Variants in R3HDM4 observed in about 807,000 individuals in gnomAD.
The protein encoded by R3HDM4 is R3H domain containing 4.
In R3HDM4, 30 loss-of-function variants were observed where a neutral mutation model predicts 31.3. The observed-to-expected ratio is 0.96, with a 90% confidence interval of 0.72 to 1.30. The LOEUF (loss-of-function observed/expected upper bound fraction) is 1.30. Ranked by LOEUF, R3HDM4 falls within the 50% of genes most tolerant of loss-of-function variation. The probability of loss-of-function intolerance (pLI) is 0.00; values close to 1 mark genes in which losing one functional copy is unlikely to be tolerated. For synonymous variants in R3HDM4, 196 were observed against 156.6 expected (o/e 1.25, Z -1.88); for missense variants, 444 against 366.1 (o/e 1.21, Z -1.74).
chr19:904,817 G>A (rs568599893), intron 1 of R3HDM4, among the ~76,000 whole-genome samples: 1 of 152,058 alleles, frequency 6.6e-6, no homozygotes, highest in East Asian at 1.9e-4. Flanking sequence ...TCAGAAATGA[G>A]GGCAATGCTC....
intron 7 of R3HDM4, 61 bp from the exon 8 acceptor site, chr19:897,601 T>G (rs147416397): frequency 7.5e-7 from 1 of 1,336,942 alleles, no homozygotes; most frequent in Non-Finnish European, 1.0e-6. Context: ...CAGGTAGAGG[T>G]GCCTCGGACC....
At position 901,231 on chromosome 19, in the gene R3HDM4, C is replaced by A. The variant is rs940044627; in HGVS notation, c.351+191G>T. 5.3e-5 allele frequency: 37 copies of A among 693,358 alleles called. No homozygotes were observed. In the African/African-American group the frequency reaches 6.1e-4, roughly 12 times the overall value. 43.0% of individuals were successfully genotyped at this position (693,358 alleles called of 1,614,324 possible). ...CGTGTTGGGCAGGTGAATCCAGGAG[C>A]TCGAAGGTTCCAGGGGTGGGGTGGG... is the stretch of plus-strand genomic sequence containing the variant. On this transcript the variant is annotated intron_variant, in intron 3 of 7. Transcript: ENST00000361574.
At position 907,004 on chromosome 19, in the gene R3HDM4, C is replaced by T. The variant is rs906990220; in HGVS notation, c.72-4874G>A. On this transcript the variant is annotated intron_variant, in intron 1 of 7. Transcript: ENST00000361574. The surrounding 1 kb of genome is among the most constrained non-coding windows in gnomAD (Gnocchi z 4.1). The stretch of plus-strand genomic sequence containing the variant: ...TTAATTTTTGTATTTTCAGTAGAGA[C>T]GGGGTTTCACCATGTTGGCAGGCTG... Among the ~76,000 whole-genome samples, 4 of 152,004 alleles carry T rather than the reference C, an allele frequency of 2.6e-5. No individual in the cohort carries two copies. The highest frequency in any genetic ancestry group is 5.9e-5 in the Non-Finnish European group (4 of 67,976).
chr19:908,691 G>GC (rs2036935278), intron 1 of R3HDM4, among the ~76,000 whole-genome samples: 2 of 152,088 alleles, frequency 1.3e-5, no homozygotes, highest in Admixed American at 1.3e-4. Flanking sequence ...AACTCAGGGA[G>GC]CCCCGGTCTC....
chr19:901,423 T>C lies in R3HDM4; in HGVS notation c.350A>G (p.Glu117Gly). 6.2e-7 allele frequency: 1 copy of C among 1,605,122 alleles called. No homozygotes were observed. The highest frequency in any genetic ancestry group is 1.7e-5 in the Admixed American group (1 of 59,562). Residue 117 changes from glutamate (E) to glycine (G), a missense_variant and splice_region_variant, in exon 3 of 8, where the codon GAG becomes GGG. Coordinates refer to ENST00000361574, the MANE Select transcript of R3HDM4 (RefSeq NM_138774.4). Reference sequence around the variant, plus strand: ...GAGTGAGGGGGTTGGGGGCCACACCTCCACATAGGTGGCGTTGTTGCAGGC... The same window carrying C: ...GAGTGAGGGGGTTGGGGGCCACACCCCCACATAGGTGGCGTTGTTGCAGGC... ...AEACNNATYV[E>G]VWNDFMNRSG...
intron 1 of R3HDM4, among the ~76,000 whole-genome samples, chr19:906,412 G>C (rs2036906558): frequency 6.6e-6 from 1 of 151,968 alleles, no homozygotes; most frequent in South Asian, 2.1e-4. Context: ...GTAGAGATGG[G>C]GTTTACCGTG....
chr19:911,216 C>T (rs955664552), intron 1 of R3HDM4, among the ~76,000 whole-genome samples: 1 of 152,186 alleles, frequency 6.6e-6, no homozygotes, highest in Non-Finnish European at 1.5e-5. Flanking sequence ...GAGGCCGAGG[C>T]AAGCAGATCG....
chr19:910,794 CA>C (rs1461453779), intron 1 of R3HDM4, among the ~76,000 whole-genome samples: 2 of 151,894 alleles, frequency 1.3e-5, no homozygotes, highest in African/African-American at 4.8e-5. Context: ...ATATAATAAA[CA>C]TAATAACGAT....
Position 900,866 on chromosome 19 carries a change from C to T in R3HDM4, c.438G>A (p.Arg146=), listed in dbSNP as rs2036825918. 6.4e-7 allele frequency: 1 copy of T among 1,557,472 alleles called. No homozygotes were observed. The highest frequency in any genetic ancestry group is 8.7e-7 in the Non-Finnish European group (1 of 1,152,578). ...CCTCCCCACGGCCAGGGCCCCTCCT[C>T]CGCGCCTTGCTCCTGCCCTCATCCT... ...YLEDEGRSKA[R]RRGPGRGEDR... Residue 146 remains arginine, a synonymous_variant, in exon 4 of 8, where the codon CGG becomes CGA. Transcript: ENST00000361574.
chr19:902,151 G>C (rs762977234), intron 1 of R3HDM4, 21 bp from the exon 2 acceptor site: 4 of 1,610,092 alleles, frequency 2.5e-6, no homozygotes, highest in South Asian at 2.2e-5. Flanking sequence ...GGGCAGGGGT[G>C]GTCCTCAGGG....
In R3HDM4 at chr19:908,556, G is replaced by C. The variant is rs376541093; in HGVS notation, c.71+4531C>G. 5.1e-4 allele frequency among the ~76,000 whole-genome samples: 77 copies of C among 152,158 alleles called. No homozygotes were observed. In the South Asian group the frequency reaches 7.9e-3, roughly 16 times the overall value. ...ACCTGGGAGATGAAGTCTGCAGTGA[G>C]CCGAGATCACAACACTGCACTCCAG... On this transcript the variant is annotated intron_variant, in intron 1 of 7. Transcript: ENST00000361574.
intron 4 of R3HDM4, among the ~76,000 whole-genome samples, 168 bp downstream of exon 4, chr19:900,661 C>G (rs1280172492): frequency 7.4e-6 from 1 of 135,908 alleles, no homozygotes; most frequent in Non-Finnish European, 1.6e-5. Flanking sequence ...CCAGGCCTCG[C>G]CCCCATCCCC....
chr19:899,602 T>C lies in R3HDM4; in HGVS notation c.646A>G (p.Ser216Gly). ...GCTCGCCTGGCCGCCCCCCCTTACC[T>C]GTTGTCTAGCATTGCTGTGTACACG... The part of the protein sequence containing the change: ...QAVYTAMLDN[S>G]FERLLLHAVC... Residue 216 changes from serine (S) to glycine (G), a missense_variant and splice_region_variant, in exon 6 of 8, where the codon AGC (serine) becomes GGC (glycine). Coordinates refer to ENST00000361574, the MANE Select transcript of R3HDM4 (RefSeq NM_138774.4). The surrounding 1 kb of genome is among the most constrained non-coding windows in gnomAD (Gnocchi z 6.8). 8 of 1,612,474 alleles carry C rather than the reference T, an allele frequency of 5.0e-6. No homozygotes were observed. Among genetic ancestry groups the C allele is most frequent in the Non-Finnish European group, 5.1e-6 (6 of 1,179,498 alleles).
Position 899,668 on chromosome 19 carries a change from C to A in R3HDM4, c.580G>T (p.Glu194Ter). The A allele has an allele frequency of 6.3e-7, 1 of 1,597,626 alleles. No homozygotes were observed. Among genetic ancestry groups the A allele is most frequent in the Non-Finnish European group, 8.5e-7 (1 of 1,171,396 alleles). Residue 194 changes from glutamate to a stop codon, truncating the protein, a stop_gained, in exon 6 of 8, where the codon GAG (glutamate) becomes TAG (stop). Transcript: ENST00000361574. LOFTEE classifies it high-confidence loss of function. This position sits in a 1 kb window ranked among gnomAD's most constrained non-coding sequence, Gnocchi z 6.8. ...GAGAAGAACCGAAGCAGCCGCTCCT[C>A]CCAGGTCTCCAGCGTTTCCTGGGGA... ...RIPMETLETW[E>*]ERLLRFFSVS...
At chr19:902,905 G>A (rs1461539072) in intron 1 of R3HDM4, among the ~76,000 whole-genome samples, 1 of 152,150 alleles carries the variant, frequency 6.6e-6, no homozygotes, top group Admixed American at 6.5e-5. Context: ...TTGTGCCACC[G>A]CACTCCAGCC....
Position 907,411 on chromosome 19 carries a change from C to A in R3HDM4, c.72-5281G>T, listed in dbSNP as rs1045615360. 6.6e-6 allele frequency among the ~76,000 whole-genome samples: 1 copy of A among 152,064 alleles called. No individual in the cohort carries two copies. Among genetic ancestry groups the A allele is most frequent in the Admixed American group, 6.5e-5 (1 of 15,272 alleles). On this transcript the variant is annotated intron_variant, in intron 1 of 7. Transcript: ENST00000361574. The surrounding 1 kb of genome is among the most constrained non-coding windows in gnomAD (Gnocchi z 4.1). ...CCCAGCAGCTGGACAGGGCCGATAA[C>A]AGAAGTGACATCCGAGGGGAGCCCT... is the stretch of plus-strand genomic sequence containing the variant.
chr19:904,457 A>C (rs924667244), intron 1 of R3HDM4, among the ~76,000 whole-genome samples: 4 of 152,302 alleles, frequency 2.6e-5, no homozygotes, highest in Non-Finnish European at 2.9e-5. Context: ...CCCAACACAA[A>C]AATTAAAAGC....
Position 899,165 on chromosome 19 carries a change from C to T in R3HDM4, c.703+275G>A, listed in dbSNP as rs928931551. 6.6e-6 allele frequency among the ~76,000 whole-genome samples: 1 copy of T among 152,126 alleles called. No homozygotes were observed. The highest frequency in any genetic ancestry group is 2.1e-4 in the South Asian group (1 of 4,832). On this transcript the variant is annotated intron_variant, in intron 7 of 7. Coordinates refer to ENST00000361574, the MANE Select transcript of R3HDM4 (RefSeq NM_138774.4). The surrounding 1 kb of genome is among the most constrained non-coding windows in gnomAD (Gnocchi z 6.8). Reference sequence around the variant, plus strand: ...CCTCAAATCCAGGCTTCATCACCCCCACCCCGGGCCCCGAAGATGCAGATG... The same window carrying T: ...CCTCAAATCCAGGCTTCATCACCCCTACCCCGGGCCCCGAAGATGCAGATG...
At position 897,433 on chromosome 19, in the gene R3HDM4, G is replaced by A. The variant is rs111987395; in HGVS notation, c.*4C>T. The A allele has an allele frequency of 2.1e-4, 329 of 1,596,060 alleles. No individual in the cohort carries two copies. Among genetic ancestry groups the A allele is most frequent in the Non-Finnish European group, 2.1e-4 (249 of 1,171,054 alleles). Reference sequence around the variant, plus strand: ...GTGGCAGCGGGGTCTCCGCGGGGCCGCCATCAGCTGTGCTGCTCCAGGTAG... The same window carrying A: ...GTGGCAGCGGGGTCTCCGCGGGGCCACCATCAGCTGTGCTGCTCCAGGTAG... On this transcript the variant is annotated 3_prime_UTR_variant, in exon 8 of 8. Coordinates refer to ENST00000361574, the MANE Select transcript of R3HDM4 (RefSeq NM_138774.4).
Sources: allele counts gnomAD v4.1 joint callset (sites outside exome capture counted in the v4.1 genomes callset), GRCh38; gene constraint gnomAD v4.1.1; non-coding constraint Gnocchi (gnomAD v3.1); transcripts MANE v1.5; gene names NCBI Gene and HGNC (gene_info 2026-07-23, HGNC 2026-07-21).